Variants in PPP3CA observed in about 807,000 individuals in gnomAD.
PPP3CA encodes the protein CAM-PRP catalytic subunit.
Under a neutral mutation model 66.5 loss-of-function variants are expected in PPP3CA, and 14 were observed. The observed-to-expected ratio is 0.21, with a 90% CI of 0.14 to 0.33. The LOEUF (loss-of-function observed/expected upper bound fraction) is 0.33. PPP3CA is among the 10% of genes least tolerant of loss of function. PPP3CA has a pLI of 1.00. For missense variants in PPP3CA, 317 were observed against 639.5 expected (o/e 0.50, Z 5.44); for synonymous variants, 232 against 226.2 (o/e 1.03, Z -0.23).
At chr4:101,270,016 C>T (rs979308303) in intron 1 of PPP3CA, among the ~76,000 whole-genome samples, 15 of 152,034 alleles carry the variant, frequency 9.9e-5, no homozygotes, top group African/African-American at 3.6e-4. Flanking sequence ...GAATTAAGGG[C>T]ATATAACATG....
At chr4:101,314,621 C>T (rs1266076558) in intron 1 of PPP3CA, among the ~76,000 whole-genome samples, 1 of 143,584 alleles carries the variant, frequency 7.0e-6, no homozygotes, top group Admixed American at 6.9e-5. Flanking sequence ...GTAACTCTTA[C>T]TTGTTGCTCT....
intron 1 of PPP3CA, among the ~76,000 whole-genome samples, chr4:101,249,547 T>C (rs1006119354): frequency 3.9e-5 from 6 of 152,114 alleles, no homozygotes; most frequent in Non-Finnish European, 7.4e-5. Flanking sequence ...AAAAAAAGTA[T>C]TGAACATAAG....
At chr4:101,256,295 A>T (rs1036648948) in intron 1 of PPP3CA, among the ~76,000 whole-genome samples, 5 of 151,996 alleles carry the variant, frequency 3.3e-5, no homozygotes, top group Non-Finnish European at 7.4e-5. Context: ...CAACCAGGAA[A>T]AAGGATGTTG....
intron 2 of PPP3CA, among the ~76,000 whole-genome samples, chr4:101,184,796 G>A (rs1269539959): frequency 6.6e-6 from 1 of 152,076 alleles, no homozygotes; most frequent in African/African-American, 2.4e-5. Flanking sequence ...ATGTAGTAAA[G>A]GTCCAAAGAA....
intron 1 of PPP3CA, among the ~76,000 whole-genome samples, chr4:101,258,820 C>A (rs1205379260): frequency 6.6e-6 from 1 of 152,070 alleles, no homozygotes; most frequent in African/African-American, 2.4e-5. Flanking sequence ...TCTGTGAAAT[C>A]AAATGTCTTT....
At chr4:101,102,292 G>A (rs918444259) in intron 3 of PPP3CA, among the ~76,000 whole-genome samples, 2 of 151,600 alleles carry the variant, frequency 1.3e-5, no homozygotes, top group Non-Finnish European at 2.9e-5. Flanking sequence ...GAGGGAGAGA[G>A]GGAGGGGAGA....
intron 1 of PPP3CA, among the ~76,000 whole-genome samples, chr4:101,323,270 A>G (rs1190772939): frequency 3.3e-5 from 5 of 152,186 alleles, no homozygotes; most frequent in South Asian, 2.1e-4. Context: ...ATAAAATGCT[A>G]CTAATCTAAT....
intron 2 of PPP3CA, among the ~76,000 whole-genome samples, chr4:101,132,816 A>G (rs541539400): frequency 6.6e-6 from 1 of 152,212 alleles, no homozygotes; most frequent in Non-Finnish European, 1.5e-5. Flanking sequence ...TTTCAGGCCA[A>G]TATCCCTGAT....
intron 8 of PPP3CA, among the ~76,000 whole-genome samples, chr4:101,077,080 G>A (rs897230215): frequency 6.6e-6 from 1 of 152,202 alleles, no homozygotes; most frequent in Non-Finnish European, 1.5e-5. Flanking sequence ...TGGAAAGGAT[G>A]AGACTGAATG....
intron 1 of PPP3CA, among the ~76,000 whole-genome samples, chr4:101,321,995 C>A (rs189174913): frequency 1.9e-4 from 29 of 152,240 alleles, no homozygotes; most frequent in African/African-American, 7.0e-4. Flanking sequence ...ATAAGAAATC[C>A]TTGTTTCATT....
At chr4:101,190,103 TAC>T (rs1158579521) in intron 2 of PPP3CA, among the ~76,000 whole-genome samples, 1 of 152,100 alleles carries the variant, frequency 6.6e-6, no homozygotes, top group Non-Finnish European at 1.5e-5. Flanking sequence ...GGAAAACATC[TAC>T]AGTTTTTTCC....
At chr4:101,106,716 A>C (rs906988539) in intron 3 of PPP3CA, among the ~76,000 whole-genome samples, 1 of 152,128 alleles carries the variant, frequency 6.6e-6, no homozygotes, top group Non-Finnish European at 1.5e-5. Context: ...CTTAAACAAG[A>C]AGATATACCC....
chr4:101,191,744 C>G (rs959261689), intron 2 of PPP3CA, among the ~76,000 whole-genome samples: 1 of 152,164 alleles, frequency 6.6e-6, no homozygotes, highest in East Asian at 1.9e-4. Flanking sequence ...TCCTAATTGA[C>G]GTCAGCTGCT....
At chr4:101,098,584 T>C (rs1578444253) in intron 4 of PPP3CA, 72 bp from the exon 5 acceptor site, 2 of 1,437,934 alleles carry the variant, frequency 1.4e-6, no homozygotes, top group East Asian at 5.2e-5. Context: ...TTTTGGTTTT[T>C]TGAGAAGTTT....
intron 2 of PPP3CA, among the ~76,000 whole-genome samples, chr4:101,134,411 CA>C (rs1430497369): frequency 6.6e-6 from 1 of 152,110 alleles, no homozygotes; most frequent in Non-Finnish European, 1.5e-5. Context: ...AGAAGCTCAT[CA>C]AAAAGTGGGT....
At chr4:101,173,707 T>C (rs1723959790) in intron 2 of PPP3CA, among the ~76,000 whole-genome samples, 1 of 152,114 alleles carries the variant, frequency 6.6e-6, no homozygotes, top group Non-Finnish European at 1.5e-5. Context: ...GCTAAATTAA[T>C]ATAATAATAA....
At chr4:101,091,954 TTTCTC>T (rs1234126992) in intron 6 of PPP3CA, among the ~76,000 whole-genome samples, 1 of 151,704 alleles carries the variant, frequency 6.6e-6, no homozygotes, top group African/African-American at 2.4e-5. Context: ...CATAACCTCT[TTTCTC>T]TTTCACTCTC....
intron 2 of PPP3CA, among the ~76,000 whole-genome samples, chr4:101,121,153 A>G (rs954163680): frequency 6.6e-6 from 1 of 152,116 alleles, no homozygotes; most frequent in East Asian, 1.9e-4. Context: ...TGTTGTTTAT[A>G]TACTAGAATT....
chr4:101,337,095 A>G (rs879817334), intron 1 of PPP3CA, among the ~76,000 whole-genome samples: 9 of 152,202 alleles, frequency 5.9e-5, no homozygotes, highest in Admixed American at 5.9e-4. Context: ...AGCACACATA[A>G]AGTTCACATT....
Sources: gnomAD v4.1 joint callset for allele counts (sites outside exome capture counted in the v4.1 genomes callset) on GRCh38, gnomAD v4.1.1 for gene constraint, MANE v1.5 for transcripts, NCBI Gene and HGNC (gene_info 2026-07-23, HGNC 2026-07-21) for gene names.